The following SGK1 variants were observed in gnomAD, a reference collection of about 807,000 sequenced individuals.
SGK1 encodes serum/glucocorticoid regulated kinase 1.
SGK1 carries 26 observed loss-of-function variants against 64.2 expected under a neutral mutation model. The observed-to-expected ratio is 0.40, with a 90% CI of 0.30 to 0.56. SGK1 has a LOEUF of 0.56. Ranked by LOEUF, SGK1 falls within the 20% of genes least tolerant of loss-of-function variation. The pLI, the probability that SGK1 is intolerant of heterozygous loss-of-function variation, is 0.38. For missense variants in SGK1, 519 were observed against 645.6 expected, an observed-to-expected ratio of 0.80 and a Z score of 2.12; for synonymous variants, 265 against 239.7, an observed-to-expected ratio of 1.11 and a Z score of -0.98.
intron 2 of SGK1, among the ~76,000 whole-genome samples, chr6:134,221,067 G>C (rs1562255685): frequency 1.3e-5 from 2 of 151,974 alleles, no homozygotes; most frequent in South Asian, 4.1e-4. Context: ...ACTTTGGGAG[G>C]CCGAGGCAGG....
intron 1 of SGK1, among the ~76,000 whole-genome samples, chr6:134,278,549 A>T (rs1777049758): frequency 6.6e-6 from 1 of 152,126 alleles, no homozygotes; most frequent in Non-Finnish European, 1.5e-5. Context: ...TTATACAAAA[A>T]CAGCTTTCCT....
At chr6:134,250,364 A>AT (rs778263417) in intron 2 of SGK1, among the ~76,000 whole-genome samples, 13 of 152,212 alleles carry the variant, frequency 8.5e-5, no homozygotes, top group Non-Finnish European at 1.8e-4. Context: ...ATACCAGTGC[A>AT]TTTCAGTTGA....
At chr6:134,264,652 G>T (rs57632284) in intron 1 of SGK1, among the ~76,000 whole-genome samples, 28,935 of 150,010 alleles carry the variant, frequency 0.19, 3,585 homozygotes, top group African/African-American at 0.34. Context: ...TATTTTTGTT[G>T]TTGTTGTTGT....
At chr6:134,223,818 A>G (rs1776128202) in intron 2 of SGK1, among the ~76,000 whole-genome samples, 1 of 152,254 alleles carries the variant, frequency 6.6e-6, no homozygotes, top group South Asian at 2.1e-4. Flanking sequence ...GGAACTAGAC[A>G]TCTCCATTAA....
At chr6:134,242,518 G>C (rs1776465153) in intron 2 of SGK1, among the ~76,000 whole-genome samples, 1 of 151,876 alleles carries the variant, frequency 6.6e-6, no homozygotes, top group Admixed American at 6.6e-5. Flanking sequence ...TAAGAGTGAG[G>C]GAAATGGGCA....
At chr6:134,290,275 G>A (rs1186594929) in intron 1 of SGK1, among the ~76,000 whole-genome samples, 1 of 151,250 alleles carries the variant, frequency 6.6e-6, no homozygotes, top group East Asian at 2.0e-4. Context: ...ACTGAGCTAT[G>A]ATCTTGCCAC....
At chr6:134,194,236 G>C (rs537112046) in intron 3 of SGK1, among the ~76,000 whole-genome samples, 1 of 151,766 alleles carries the variant, frequency 6.6e-6, no homozygotes, top group Non-Finnish European at 1.5e-5. Context: ...AACTAGCTGA[G>C]TCTCAGCCAA....
At chr6:134,278,974 G>A (rs565710434) in intron 1 of SGK1, among the ~76,000 whole-genome samples, 1 of 152,262 alleles carries the variant, frequency 6.6e-6, no homozygotes, top group Non-Finnish European at 1.5e-5. Flanking sequence ...GAAAAAGGAT[G>A]CATTTCAGGA....
chr6:134,209,796 C>T (rs962754824), intron 2 of SGK1, among the ~76,000 whole-genome samples: 2 of 152,156 alleles, frequency 1.3e-5, no homozygotes, highest in Admixed American at 1.3e-4. Flanking sequence ...CCTGCTTCAG[C>T]CTCAATAGTA....
chr6:134,180,754 C>T (rs889790128), intron 3 of SGK1, among the ~76,000 whole-genome samples: 12 of 151,834 alleles, frequency 7.9e-5, no homozygotes, highest in Non-Finnish European at 2.9e-5. Context: ...GCCTGTAGTC[C>T]CAGCTACATG....
chr6:134,179,299 C>T (rs1438734855), intron 3 of SGK1, among the ~76,000 whole-genome samples: 1 of 152,004 alleles, frequency 6.6e-6, no homozygotes, highest in Non-Finnish European at 1.5e-5. Flanking sequence ...TAGAACAATC[C>T]TATGAAGAGT....
At chr6:134,270,978 C>T (rs1201157386) in intron 1 of SGK1, among the ~76,000 whole-genome samples, 4 of 129,164 alleles carry the variant, frequency 3.1e-5, no homozygotes, top group Non-Finnish European at 3.2e-5. Context: ...CATCAACGTA[C>T]GTTTTTCTTT....
At chr6:134,225,982 C>T (rs1776170238) in intron 2 of SGK1, among the ~76,000 whole-genome samples, 1 of 151,842 alleles carries the variant, frequency 6.6e-6, no homozygotes, top group Non-Finnish European at 1.5e-5. Context: ...GTGGCACATG[C>T]CTGTAGTCCC....
At chr6:134,211,293 T>G (rs1211943659) in intron 2 of SGK1, among the ~76,000 whole-genome samples, 2 of 152,342 alleles carry the variant, frequency 1.3e-5, no homozygotes, top group Non-Finnish European at 2.9e-5. Flanking sequence ...GTGGAATTTT[T>G]TTTTGTAATT....
intron 2 of SGK1, among the ~76,000 whole-genome samples, chr6:134,243,268 C>T (rs1447549948): frequency 6.6e-6 from 1 of 152,078 alleles, no homozygotes; most frequent in African/African-American, 2.4e-5. Flanking sequence ...GTATATTAAA[C>T]ATAAATGGTG....
intron 1 of SGK1, among the ~76,000 whole-genome samples, chr6:134,274,429 G>A (rs1211274002): frequency 5.9e-5 from 9 of 152,178 alleles, no homozygotes; most frequent in Admixed American, 4.6e-4. Flanking sequence ...GTAGCTTTGG[G>A]AATGGAAAGG....
At chr6:134,238,990 A>G (rs916483703) in intron 2 of SGK1, among the ~76,000 whole-genome samples, 16 of 152,232 alleles carry the variant, frequency 1.1e-4, no homozygotes, top group Non-Finnish European at 1.5e-4. Context: ...TATTTTGTGA[A>G]TCAGAATTGA....
At position 134,273,237 on chromosome 6, in the gene SGK1, A is replaced by G. The variant is rs1776966982; in HGVS notation, c.70-11089T>C. Among the ~76,000 whole-genome samples the G allele has an allele frequency of 1.4e-5, 2 of 147,408 alleles. 1 individual carries two copies. Among genetic ancestry groups the G allele is most frequent in the African/African-American group, 4.9e-5 (2 of 40,996 alleles). On this transcript the variant is annotated intron_variant, in intron 1 of 13. Transcript: ENST00000367858. ...CATTCCATGGAAAGAGTTTTATACA[A>G]AGGGCCATTGGAGAAAAGATGGAGG...
chr6:134,290,330 A>AAAAAG (rs139304924), intron 1 of SGK1, among the ~76,000 whole-genome samples: 88 of 145,226 alleles, frequency 6.1e-4, no homozygotes, highest in Middle Eastern at 3.5e-3. Context: ...CCTCTAAAAA[A>AAAAAG]AAAAGAAAAG....
Sources: gnomAD v4.1 joint callset for allele counts (sites outside exome capture counted in the v4.1 genomes callset) on GRCh38, gnomAD v4.1.1 for gene constraint, MANE v1.5 for transcripts, NCBI Gene and HGNC (gene_info 2026-07-23, HGNC 2026-07-21) for gene names.